EYA4: variants seen among roughly 807,000 people sequenced by gnomAD.
The protein encoded by EYA4 is protein phosphatase EYA4.
EYA4 carries 31 observed loss-of-function variants against 87.9 expected under a neutral mutation model. That is an observed-to-expected ratio of 0.35 (90% CI 0.27 to 0.48). The LOEUF (loss-of-function observed/expected upper bound fraction) is 0.48. Among genes scored for constraint, EYA4 ranks in the 20% least tolerant of loss-of-function variants. The pLI is 0.99. For missense variants in EYA4, 678 were observed against 761.4 expected (o/e 0.89, Z 1.29); for synonymous variants, 263 against 270.6 (o/e 0.97, Z 0.28).
chr6:133,486,314 A>G (rs1202782551), intron 13 of EYA4, among the ~76,000 whole-genome samples: 5 of 151,548 alleles, frequency 3.3e-5, no homozygotes, highest in African/African-American at 9.8e-5. Context: ...ATATCTTGGC[A>G]TATTGAGAAG....
chr6:133,481,659 T>G, intron 12 of EYA4, 60 bp downstream of exon 12: 1 of 1,550,654 alleles, frequency 6.4e-7, no homozygotes, highest in Non-Finnish European at 8.9e-7. Context: ...AATGATACAT[T>G]CTCTATCTTA....
chr6:133,511,136 A>G (rs1799100943), intron 14 of EYA4, among the ~76,000 whole-genome samples: 2 of 152,336 alleles, frequency 1.3e-5, no homozygotes, highest in Middle Eastern at 3.4e-3. Context: ...AGTTTTGTAT[A>G]TTAAAGGAAG....
At chr6:133,439,096 CTAG>C (rs1269303684) in intron 3 of EYA4, among the ~76,000 whole-genome samples, 3 of 140,258 alleles carry the variant, frequency 2.1e-5, no homozygotes, top group Non-Finnish European at 4.6e-5. Flanking sequence ...TTGGGCGAGT[CTAG>C]TAGAAGATAA....
intron 7 of EYA4, chr6:133,462,063 G>GGTCTACAATTTT: frequency 2.2e-6 from 1 of 455,784 alleles, no homozygotes; most frequent in Non-Finnish European, 4.0e-6. Flanking sequence ...ACCTGGAAGA[G>GGTCTACAATTTT]ACACAGGTGT....
At chr6:133,317,645 A>G (rs1780730999) in intron 2 of EYA4, among the ~76,000 whole-genome samples, 1 of 150,136 alleles carries the variant, frequency 6.7e-6, no homozygotes, top group Non-Finnish European at 1.5e-5. Context: ...TAAAATTGTT[A>G]TTAAGTGTAT....
At chr6:133,354,302 T>C (rs1384955763) in intron 2 of EYA4, among the ~76,000 whole-genome samples, 1 of 152,140 alleles carries the variant, frequency 6.6e-6, no homozygotes, top group South Asian at 2.1e-4. Flanking sequence ...CTACCAGGAG[T>C]GAACATACTA....
intron 19 of EYA4, among the ~76,000 whole-genome samples, chr6:133,525,550 C>T (rs1458457436): frequency 2.0e-5 from 3 of 151,944 alleles, no homozygotes; most frequent in African/African-American, 7.3e-5. Context: ...GGCATGTATA[C>T]ACATGCTTAT....
intron 2 of EYA4, among the ~76,000 whole-genome samples, chr6:133,330,592 C>T (rs1781862345): frequency 7.4e-6 from 1 of 135,312 alleles, no homozygotes; most frequent in Non-Finnish European, 1.6e-5. Flanking sequence ...CACACACACA[C>T]ATACTTTTTT....
At chr6:133,250,125 A>G (rs915095981) in intron 1 of EYA4, among the ~76,000 whole-genome samples, 1 of 152,090 alleles carries the variant, frequency 6.6e-6, no homozygotes, top group Admixed American at 6.6e-5. Flanking sequence ...CTCAATAACA[A>G]CCTCAGGGAG....
chr6:133,309,370 C>A (rs1780043217), intron 2 of EYA4, among the ~76,000 whole-genome samples: 1 of 152,020 alleles, frequency 6.6e-6, no homozygotes, highest in Admixed American at 6.6e-5. Flanking sequence ...ATATGGTGAT[C>A]CAGAAGTACA....
chr6:133,303,302 T>A (rs1271663081), intron 2 of EYA4, among the ~76,000 whole-genome samples: 2 of 152,222 alleles, frequency 1.3e-5, no homozygotes, highest in Non-Finnish European at 2.9e-5. Context: ...ATTTATTTGT[T>A]TTGGCCTTTA....
At chr6:133,335,833 T>G (rs987240557) in intron 2 of EYA4, among the ~76,000 whole-genome samples, 5 of 152,146 alleles carry the variant, frequency 3.3e-5, no homozygotes, top group Non-Finnish European at 7.3e-5. Flanking sequence ...ATTTAGGGTC[T>G]TTTTTGTCTT....
chr6:133,353,131 T>A (rs1253258726), intron 2 of EYA4, among the ~76,000 whole-genome samples: 2 of 152,170 alleles, frequency 1.3e-5, no homozygotes, highest in Non-Finnish European at 2.9e-5. Flanking sequence ...GAATGTTTAT[T>A]CTCCCACAAT....
At chr6:133,488,509 G>T (rs540482077) in intron 13 of EYA4, among the ~76,000 whole-genome samples, 1 of 152,268 alleles carries the variant, frequency 6.6e-6, no homozygotes, top group African/African-American at 2.4e-5. Context: ...TCACAGAGGT[G>T]CTTGTGTCAC....
At chr6:133,248,263 T>C (rs1282843153) in intron 1 of EYA4, 1 of 152,220 alleles carries the variant, frequency 6.6e-6, no homozygotes, top group Non-Finnish European at 1.5e-5. Flanking sequence ...ATTTCTGTTA[T>C]CCTTTCCCCC....
chr6:133,276,203 G>C (rs1255893504), intron 2 of EYA4, among the ~76,000 whole-genome samples: 1 of 152,150 alleles, frequency 6.6e-6, no homozygotes, highest in East Asian at 1.9e-4. Flanking sequence ...GATACACCGA[G>C]GGTCACATAC....
At chr6:133,479,043 G>A (rs919550076) in intron 11 of EYA4, among the ~76,000 whole-genome samples, 1 of 152,096 alleles carries the variant, frequency 6.6e-6, no homozygotes, top group African/African-American at 2.4e-5. Flanking sequence ...TTTATGGAAC[G>A]TCATCCAAAA....
chr6:133,481,331 G>A, intron 11 of EYA4, 132 bp from the exon 12 acceptor site: 1 of 847,074 alleles, frequency 1.2e-6, no homozygotes, highest in East Asian at 2.5e-5. Context: ...TGTGTGCTTG[G>A]GATTATAAAT....
At position 133,528,862 on chromosome 6, in the gene EYA4, G is replaced by T; in HGVS notation, c.*57G>T. ...TATTTCAAGTACACTGAATTTTTATGTGTGATTCAATGCCTCTGGCTCTAC... is the reference window on the plus strand; with the variant it reads ...TATTTCAAGTACACTGAATTTTTATTTGTGATTCAATGCCTCTGGCTCTAC... On this transcript the variant is annotated 3_prime_UTR_variant, in exon 20 of 20. Transcript: ENST00000355286. 2 of 1,610,790 alleles carry T rather than the reference G, an allele frequency of 1.2e-6. No homozygotes were observed. Among genetic ancestry groups the T allele is most frequent in the Non-Finnish European group, 1.7e-6 (2 of 1,177,754 alleles).
Sources: allele counts gnomAD v4.1 joint callset (sites outside exome capture counted in the v4.1 genomes callset), GRCh38; gene constraint gnomAD v4.1.1; transcripts MANE v1.5; gene names NCBI Gene and HGNC (gene_info 2026-07-23, HGNC 2026-07-21).